CNGA3: variants seen among roughly 807,000 people sequenced by gnomAD.
The protein encoded by CNGA3 is cyclic nucleotide gated channel subunit alpha 3.
A neutral mutation model predicts 46.6 loss-of-function variants in CNGA3; 42 were observed. That is an observed-to-expected ratio of 0.90 (90% CI 0.70 to 1.17). The LOEUF is 1.17. Among genes scored for constraint, CNGA3 ranks in the 50% most tolerant of loss-of-function variants. The pLI, the probability that CNGA3 is intolerant of heterozygous loss-of-function variation, is 0.00. For missense variants in CNGA3, 893 were observed against 890.7 expected (o/e 1.00, Z -0.03); for synonymous variants, 394 against 369.4 (o/e 1.07, Z -0.76).
At chr2:98,392,026 G>A in intron 7 of CNGA3, 56 bp downstream of exon 7, 8 of 1,497,254 alleles carry the variant, frequency 5.3e-6, no homozygotes, top group Non-Finnish European at 7.4e-6. Flanking sequence ...AGTGTTCCGG[G>A]AGACCCAGCA....
In CNGA3 at chr2:98,396,890, T is replaced by TC; in HGVS notation, c.1721dup (p.Asp575ArgfsTer40). ...GGCCAACATCCGCAGCATTGGCTACTCAGACCTGTTCTGCCTCTCAAAGGA... is the reference window on the plus strand; with the variant it reads ...GGCCAACATCCGCAGCATTGGCTACTCCAGACCTGTTCTGCCTCTCAAAGGA... On this transcript the variant is annotated frameshift_variant, in exon 8 of 8. Transcript: ENST00000272602. LOFTEE classifies it low-confidence loss of function (END_TRUNC). 1 of 1,614,168 alleles carries TC rather than the reference T, an allele frequency of 6.2e-7. No individual in the cohort carries two copies. The highest frequency in any genetic ancestry group is 8.5e-7 in the Non-Finnish European group (1 of 1,180,036).
chr2:98,389,871 C>G, intron 6 of CNGA3, 97 bp downstream of exon 6: 1 of 895,012 alleles, frequency 1.1e-6, no homozygotes, highest in East Asian at 2.4e-5. Context: ...GGCCTGAGGC[C>G]TGGACCCCTC....
At chr2:98,375,636 G>A (rs187807948) in intron 2 of CNGA3, among the ~76,000 whole-genome samples, 8 of 152,318 alleles carry the variant, frequency 5.3e-5, no homozygotes, top group Non-Finnish European at 1.0e-4. Context: ...AGTATAAGGG[G>A]AGAATTCAAT....
chr2:98,360,965 A>G (rs1692017925), intron 1 of CNGA3, among the ~76,000 whole-genome samples: 1 of 152,044 alleles, frequency 6.6e-6, no homozygotes, highest in Non-Finnish European at 1.5e-5. Context: ...TACTATTTGG[A>G]TAACACACAT....
chr2:98,368,978 C>G (rs943741099), intron 1 of CNGA3, among the ~76,000 whole-genome samples: 2 of 152,168 alleles, frequency 1.3e-5, no homozygotes, highest in African/African-American at 4.8e-5. Context: ...AGTGACGTTG[C>G]CTTTAACAGT....
intron 2 of CNGA3, among the ~76,000 whole-genome samples, chr2:98,371,309 G>A (rs1253940232): frequency 6.6e-6 from 1 of 152,104 alleles, no homozygotes; most frequent in African/African-American, 2.4e-5. Context: ...TCCCTGCACT[G>A]GGCCCTCGTG....
chr2:98,388,334 G>T (rs186043667), intron 5 of CNGA3, among the ~76,000 whole-genome samples: 1 of 152,244 alleles, frequency 6.6e-6, no homozygotes, highest in Admixed American at 6.5e-5. Flanking sequence ...CGAGGAGGAA[G>T]TACTGAAGGA....
chr2:98,377,674 T>A lies in CNGA3; in HGVS notation c.102-13T>A, dbSNP rs776583602. 1 of 1,609,282 alleles carries A rather than the reference T, an allele frequency of 6.2e-7. No individual in the cohort carries two copies. Among genetic ancestry groups the A allele is most frequent in the African/African-American group, 1.3e-5 (1 of 74,950 alleles). ...TGAAATCAATTCTGCTTGCTGCATA[T>A]CTGATTTCCTAGAGCCCACTCGTCA... On this transcript the variant is annotated splice_polypyrimidine_tract_variant and intron_variant, in intron 2 of 7. Transcript: ENST00000272602.
intron 1 of CNGA3, among the ~76,000 whole-genome samples, chr2:98,365,398 T>A (rs1246016662): frequency 6.7e-6 from 1 of 149,856 alleles, no homozygotes; most frequent in Non-Finnish European, 1.5e-5. Context: ...GTTGATCTTC[T>A]CATGGAGTAC....
intron 7 of CNGA3, among the ~76,000 whole-genome samples, chr2:98,395,109 C>G (rs1322559661): frequency 6.6e-6 from 1 of 152,144 alleles, no homozygotes; most frequent in Non-Finnish European, 1.5e-5. Flanking sequence ...TTTCTTTCTC[C>G]TAGGTGTACC....
chr2:98,384,649 A>ATAGTGTC (rs1558814864), intron 5 of CNGA3, among the ~76,000 whole-genome samples: 1 of 152,230 alleles, frequency 6.6e-6, no homozygotes, highest in Non-Finnish European at 1.5e-5. Context: ...GTTTGACTTA[A>ATAGTGTC]AGCCAAACCT....
chr2:98,349,892 T>C (rs975858629), intron 1 of CNGA3, among the ~76,000 whole-genome samples: 4 of 152,178 alleles, frequency 2.6e-5, no homozygotes, highest in African/African-American at 9.7e-5. Context: ...CAGTTGGCTC[T>C]GGGTGTTGCT....
At chr2:98,356,369 A>T (rs1691879781) in intron 1 of CNGA3, among the ~76,000 whole-genome samples, 1 of 152,032 alleles carries the variant, frequency 6.6e-6, no homozygotes, top group Admixed American at 6.6e-5. Flanking sequence ...GAGAAGTAAG[A>T]TAGAAGACCC....
chr2:98,348,306 C>A (rs1422159144), intron 1 of CNGA3, among the ~76,000 whole-genome samples: 1 of 152,192 alleles, frequency 6.6e-6, no homozygotes, highest in Non-Finnish European at 1.5e-5. Flanking sequence ...GGACTTTGGC[C>A]GTGACTACGT....
Position 98,396,375 on chromosome 2 carries a change from T to A in CNGA3, c.1205T>A (p.Met402Lys). 2 of 1,613,790 alleles carry A rather than the reference T, an allele frequency of 1.2e-6. No homozygotes were observed. Among genetic ancestry groups the A allele is most frequent in the Non-Finnish European group, 1.7e-6 (2 of 1,179,850 alleles). Residue 402 changes from methionine (M) to lysine (K), a missense_variant, in exon 8 of 8, where the codon ATG (methionine) becomes AAG (lysine). Coordinates refer to ENST00000272602, the MANE Select transcript of CNGA3 (RefSeq NM_001298.3). The part of the protein sequence containing the change: ...FATIVGNVGS[M>K]ISNMNASRAE... Reference sequence around the variant, plus strand: ...ACCATTGTGGGCAATGTGGGCTCCATGATCTCGAATATGAATGCCTCACGG... The same window carrying A: ...ACCATTGTGGGCAATGTGGGCTCCAAGATCTCGAATATGAATGCCTCACGG...
At chr2:98,382,050 C>A (rs1692551005) in intron 4 of CNGA3, among the ~76,000 whole-genome samples, 1 of 152,020 alleles carries the variant, frequency 6.6e-6, no homozygotes, top group African/African-American at 2.4e-5. Flanking sequence ...TGGGACCAGA[C>A]AAATGGAGGG....
intron 1 of CNGA3, among the ~76,000 whole-genome samples, chr2:98,357,580 C>G (rs1348574468): frequency 6.6e-6 from 1 of 152,200 alleles, no homozygotes; most frequent in Non-Finnish European, 1.5e-5. Flanking sequence ...AGAGATCTGT[C>G]TTCCTCATCT....
intron 7 of CNGA3, 37 bp downstream of exon 7, chr2:98,392,007 C>T: frequency 6.3e-7 from 1 of 1,577,414 alleles, no homozygotes; most frequent in Non-Finnish European, 8.7e-7. Context: ...GGACCATGGC[C>T]CCCACGGGAG....
rs535634854 is a variant in CNGA3, at chr2:98,392,574, AAAAAGAAAAG to A, written c.673+619_673+628del. Among the ~76,000 whole-genome samples, 530 of 143,416 alleles carry A rather than the reference AAAAAGAAAAG, an allele frequency of 3.7e-3. 6 individuals carry two copies. Among genetic ancestry groups the A allele is most frequent in the African/African-American group, 0.013 (415 of 33,198 alleles). The allele number at this position is 143,416 out of a possible 152,430, so 94.1% of individuals were successfully genotyped here. ...ACATTCTGTCTCAAAAAAAGAAAAA[AAAAAGAAAAG>A]AAAAGAAAAGAAAAAAAAAGAAAAG... is the stretch of plus-strand genomic sequence containing the variant. On this transcript the variant is annotated intron_variant, in intron 7 of 7. Coordinates refer to ENST00000272602, the MANE Select transcript of CNGA3 (RefSeq NM_001298.3).
Sources: gnomAD v4.1 joint callset for allele counts (sites outside exome capture counted in the v4.1 genomes callset) on GRCh38, gnomAD v4.1.1 for gene constraint, MANE v1.5 for transcripts, NCBI Gene and HGNC (gene_info 2026-07-23, HGNC 2026-07-21) for gene names.